The following CAST variants were observed in gnomAD, a reference collection of about 807,000 sequenced individuals.
The protein encoded by CAST is MIR583 host.
In CAST, 76 loss-of-function variants were observed where a neutral mutation model predicts 119.6. That is an observed-to-expected ratio of 0.64 (90% CI 0.53 to 0.77). CAST has a LOEUF of 0.77. Among genes scored for constraint, CAST ranks in the 30% least tolerant of loss-of-function variants. The probability of loss-of-function intolerance (pLI) is 0.00; values close to 1 mark genes in which losing one functional copy is unlikely to be tolerated. For synonymous variants in CAST, 319 were observed against 331.6 expected, an observed-to-expected ratio of 0.96 and a Z score of 0.41; for missense variants, 953 against 946.5, an observed-to-expected ratio of 1.01 and a Z score of -0.09.
chr5:96,238,226 A>T, the CAST span, among the ~76,000 whole-genome samples: 1 of 152,060 alleles, frequency 6.6e-6, no homozygotes, highest in Admixed American at 6.5e-5. Context: ...AAAAAATGAC[A>T]TCACACTATA....
At chr5:96,067,516 T>C in the CAST span, among the ~76,000 whole-genome samples, 42 of 152,334 alleles carry the variant, frequency 2.8e-4, no homozygotes, top group East Asian at 7.7e-3. Flanking sequence ...GAAGAATTCT[T>C]TGAAATGTGA....
chr5:96,412,758 T>TTTTG, the CAST span, among the ~76,000 whole-genome samples: 11 of 143,280 alleles, frequency 7.7e-5, 1 homozygote, highest in African/African-American at 3.1e-4. Context: ...TGATGTTTTT[T>TTTTG]TTTTTTTTTT....
At chr5:96,051,462 C>T in the CAST span, among the ~76,000 whole-genome samples, 1 of 152,198 alleles carries the variant, frequency 6.6e-6, no homozygotes, top group Non-Finnish European at 1.5e-5. Flanking sequence ...AGTTAAGCAG[C>T]TAGCCTGGGG....
chr5:96,731,473 GTTT>G (rs201905440), intron 9 of CAST, among the ~76,000 whole-genome samples: 66 of 112,776 alleles, frequency 5.9e-4, no homozygotes, highest in Admixed American at 1.3e-3. Context: ...ATCCTTTAAG[GTTT>G]TTTTTTTTTT....
chr5:96,240,562 T>A, the CAST span, among the ~76,000 whole-genome samples: 18 of 152,112 alleles, frequency 1.2e-4, no homozygotes, highest in South Asian at 2.1e-4. Flanking sequence ...TATTCATTTT[T>A]TTATTATTAT....
the CAST span, among the ~76,000 whole-genome samples, chr5:96,194,003 G>C: frequency 2.6e-5 from 4 of 152,110 alleles, no homozygotes; most frequent in African/African-American, 9.7e-5. Flanking sequence ...ACCAATCATA[G>C]CTAAGCCTAA....
At chr5:96,491,313 A>G in the CAST span, among the ~76,000 whole-genome samples, 1 of 126,742 alleles carries the variant, frequency 7.9e-6, no homozygotes, top group Non-Finnish European at 1.7e-5. Context: ...GTGAAACCCC[A>G]TCTCTACTAA....
the CAST span, among the ~76,000 whole-genome samples, chr5:96,464,182 GA>G: frequency 6.7e-6 from 1 of 150,356 alleles, no homozygotes; most frequent in Admixed American, 6.6e-5. Flanking sequence ...CTGACATTGA[GA>G]AAAAAAAACT....
chr5:96,082,060 C>T, the CAST span, among the ~76,000 whole-genome samples: 40 of 152,156 alleles, frequency 2.6e-4, 1 homozygote, highest in African/African-American at 2.6e-4. Flanking sequence ...ACTACAGGCG[C>T]ACGCTACCAC....
chr5:96,680,373 A>AAAAAAAAAAAAAAAAAAAAAAAAAAAC (rs1751243502), intron 2 of CAST, among the ~76,000 whole-genome samples: 1 of 125,336 alleles, frequency 8.0e-6, no homozygotes, highest in African/African-American at 3.3e-5. Flanking sequence ...AAAAAAAAAA[A>AAAAAAAAAAAAAAAAAAAAAAAAAAAC]AAAAAAGAAG....
the CAST span, among the ~76,000 whole-genome samples, chr5:96,509,828 T>C: frequency 6.6e-6 from 1 of 152,194 alleles, no homozygotes. Flanking sequence ...ACTTCTGTTG[T>C]TTTTCTTTAA....
the CAST span, among the ~76,000 whole-genome samples, chr5:96,393,605 A>C: frequency 4.0e-3 from 615 of 152,288 alleles, 3 homozygotes; most frequent in African/African-American, 0.014. Flanking sequence ...TTCACCTGTC[A>C]GGTGGAATAA....
the CAST span, among the ~76,000 whole-genome samples, chr5:96,457,635 A>G: frequency 1.3e-5 from 2 of 152,072 alleles, no homozygotes; most frequent in Admixed American, 6.6e-5. Flanking sequence ...TCTTCTTCCC[A>G]CCTGCACACT....
chr5:96,362,934 C>T, the CAST span, among the ~76,000 whole-genome samples: 2 of 152,150 alleles, frequency 1.3e-5, no homozygotes, highest in Non-Finnish European at 2.9e-5. Context: ...AATGGTATTG[C>T]TAAGGTTTTC....
chr5:96,460,430 C>T, the CAST span, among the ~76,000 whole-genome samples: 2 of 151,898 alleles, frequency 1.3e-5, no homozygotes, highest in South Asian at 2.1e-4. Flanking sequence ...CTAATGCATG[C>T]GGGGCTTAAA....
chr5:96,019,911 GAAT>G, the CAST span, among the ~76,000 whole-genome samples: 7 of 152,110 alleles, frequency 4.6e-5, no homozygotes, highest in African/African-American at 9.7e-5. Context: ...CTTAAGATGA[GAAT>G]AATGTTTACC....
chr5:96,336,418 G>A, the CAST span, among the ~76,000 whole-genome samples: 2 of 152,182 alleles, frequency 1.3e-5, no homozygotes, highest in Admixed American at 6.5e-5. Flanking sequence ...TAGTTAAGTC[G>A]CGTTCTTCTC....
intron 3 of CAST, among the ~76,000 whole-genome samples, chr5:96,715,687 C>T (rs1757071732): frequency 6.6e-6 from 1 of 152,176 alleles, no homozygotes; most frequent in Non-Finnish European, 1.5e-5. Flanking sequence ...AATAAGCATC[C>T]AATAAATAGT....
At chr5:95,968,213 CT>C in the CAST span, among the ~76,000 whole-genome samples, 1 of 152,156 alleles carries the variant, frequency 6.6e-6, no homozygotes, top group Non-Finnish European at 1.5e-5. Context: ...TTGAATAACT[CT>C]TTCCACACAA....
Sources: gnomAD v4.1 joint callset for allele counts (sites outside exome capture counted in the v4.1 genomes callset) on GRCh38, gnomAD v4.1.1 for gene constraint, MANE v1.5 for transcripts, NCBI Gene and HGNC (gene_info 2026-07-23, HGNC 2026-07-21) for gene names.